TRNAU1AP: variants seen among roughly 807,000 people sequenced by gnomAD.
TRNAU1AP encodes tRNA selenocysteine 1 associated protein 1, also known as tRNA selenocysteine 1-associated protein 1.
A neutral mutation model predicts 43.3 loss-of-function variants in TRNAU1AP; 33 were observed. That is an observed-to-expected ratio of 0.76 (90% CI 0.58 to 1.02). TRNAU1AP has a LOEUF of 1.02. Ranked by LOEUF, TRNAU1AP falls within the 50% of genes least tolerant of loss-of-function variation. The pLI is 0.00. For missense variants in TRNAU1AP, 290 were observed against 362.7 expected (o/e 0.80, Z 1.63); for synonymous variants, 143 against 129.1 (o/e 1.11, Z -0.73).
chr1:28,574,997 G>A (rs1665741263), intron 8 of TRNAU1AP, among the ~76,000 whole-genome samples: 1 of 152,140 alleles, frequency 6.6e-6, no homozygotes, highest in Admixed American at 6.6e-5. Context: ...GTGATCTGCT[G>A]AGGGTCACAC....
intron 2 of TRNAU1AP, among the ~76,000 whole-genome samples, chr1:28,555,403 CTA>C (rs1665235996): frequency 1.3e-5 from 2 of 151,984 alleles, no homozygotes; most frequent in African/African-American, 4.8e-5. Flanking sequence ...TAGAGGTTCT[CTA>C]TTGCCTCCAT....
intron 8 of TRNAU1AP, 42 bp downstream of exon 8, chr1:28,571,942 G>A: frequency 6.4e-7 from 1 of 1,554,056 alleles, no homozygotes; most frequent in African/African-American, 1.4e-5. Context: ...CCATTATCAG[G>A]TGACTGCTGT....
intron 4 of TRNAU1AP, among the ~76,000 whole-genome samples, chr1:28,562,497 A>G (rs1164991532): frequency 6.6e-6 from 1 of 152,220 alleles, no homozygotes; most frequent in Admixed American, 6.5e-5. Flanking sequence ...CCACAAGAAA[A>G]GACAAAAGTA....
chr1:28,563,615 C>A (rs1202862567), intron 4 of TRNAU1AP, among the ~76,000 whole-genome samples: 1 of 151,270 alleles, frequency 6.6e-6, no homozygotes, highest in African/African-American at 2.4e-5. Context: ...ACCTGAGAAG[C>A]AGAGGTTGCA....
intron 8 of TRNAU1AP, among the ~76,000 whole-genome samples, chr1:28,573,637 G>T (rs1665711557): frequency 6.6e-6 from 1 of 152,104 alleles, no homozygotes; most frequent in Non-Finnish European, 1.5e-5. Flanking sequence ...GCCAGGCGTG[G>T]TGTTGCGCGC....
intron 5 of TRNAU1AP, chr1:28,565,486 A>C (rs1419959459): frequency 3.7e-5 from 5 of 134,822 alleles, no homozygotes; most frequent in African/African-American, 1.4e-4. Context: ...CTCTGTCTCC[A>C]TAAAAAAAAA....
Position 28,573,562 on chromosome 1 carries a change from C to A in TRNAU1AP, c.727+1662C>A, listed in dbSNP as rs376201836. 9.9e-5 allele frequency among the ~76,000 whole-genome samples: 15 copies of A among 151,894 alleles called. No individual in the cohort carries two copies. In the East Asian group the frequency reaches 1.7e-3, roughly 18 times the overall value. ...CCACGGCGGGAGGATCACCTAAGGTCGGAAGTTCTAGACCAGCCTGGCCAA... is the reference window on the plus strand; with the variant it reads ...CCACGGCGGGAGGATCACCTAAGGTAGGAAGTTCTAGACCAGCCTGGCCAA... On this transcript the variant is annotated intron_variant, in intron 8 of 8. Transcript: ENST00000373830.
At chr1:28,566,070 G>T (rs760737831) in intron 5 of TRNAU1AP, among the ~76,000 whole-genome samples, 1 of 151,888 alleles carries the variant, frequency 6.6e-6, no homozygotes. Flanking sequence ...TAATCCCAGC[G>T]CTTCGGGAGA....
At position 28,570,187 on chromosome 1, in the gene TRNAU1AP, G is replaced by T. The variant is rs377682535; in HGVS notation, c.531-989G>T. Among the ~76,000 whole-genome samples, 114 of 152,024 alleles carry T rather than the reference G, an allele frequency of 7.5e-4. 4 individuals are homozygous for T. In the South Asian group the frequency reaches 0.023, roughly 30 times the overall value. ...TTAGCTGGGCCTCCCAGGATCAAGC[G>T]ATTCTCCTTCCTTAGCCTCCCAAGT... On this transcript the variant is annotated intron_variant, in intron 6 of 8. Transcript: ENST00000373830.
At chr1:28,565,900 A>C (rs891593816) in intron 5 of TRNAU1AP, 1 of 152,218 alleles carries the variant, frequency 6.6e-6, no homozygotes, top group African/African-American at 2.4e-5. Flanking sequence ...GTGGCTTTGA[A>C]TCATGCTTCT....
chr1:28,554,705 A>G (rs1665218020), intron 2 of TRNAU1AP, among the ~76,000 whole-genome samples: 1 of 151,904 alleles, frequency 6.6e-6, no homozygotes, highest in Non-Finnish European at 1.5e-5. Context: ...TTAGCTGGGC[A>G]TGGTGGCGGG....
intron 8 of TRNAU1AP, among the ~76,000 whole-genome samples, chr1:28,575,574 T>C (rs1410137089): frequency 6.6e-6 from 1 of 151,360 alleles, no homozygotes; most frequent in Non-Finnish European, 1.5e-5. Context: ...GTGATTCTTC[T>C]GCCTCAGCCT....
chr1:28,562,841 G>A (rs1327936671), intron 4 of TRNAU1AP, among the ~76,000 whole-genome samples: 11 of 150,394 alleles, frequency 7.3e-5, no homozygotes, highest in African/African-American at 2.4e-4. Context: ...TCAGCCTCCC[G>A]AAGTGCTGGG....
At chr1:28,553,943 A>T (rs1570243630) in intron 2 of TRNAU1AP, 3 of 494,128 alleles carry the variant, frequency 6.1e-6, no homozygotes, top group Non-Finnish European at 1.1e-5. Flanking sequence ...CACACCTGTA[A>T]TCCCAGCACT....
rs754432203 is a variant in TRNAU1AP at position 28,553,116 on chromosome 1, G to A, written c.6G>A (p.Ala2=). The change falls in exon 1 of 9, where the codon GCG becomes GCA. Residue 2 remains alanine (A), a synonymous_variant. Coordinates refer to ENST00000373830, the MANE Select transcript of TRNAU1AP (RefSeq NM_017846.5). The part of the protein sequence containing the change: M[A]ASLWMGDLEP... ...CCCCACCCCGGTGCGCGGGTATGGC[G>A]GCCAGCCTGTGGATGGGCGACGTGA... The A allele has an allele frequency of 2.0e-6, 3 of 1,522,134 alleles. No individual in the cohort carries two copies. The highest frequency in any genetic ancestry group is 5.2e-5 in the East Asian group (2 of 38,784). 94.3% of individuals were successfully genotyped at this position (1,522,134 alleles called of 1,614,324 possible).
chr1:28,576,229 C>T (rs1225149146), intron 8 of TRNAU1AP, among the ~76,000 whole-genome samples: 1 of 151,130 alleles, frequency 6.6e-6, no homozygotes, highest in Non-Finnish European at 1.5e-5. Flanking sequence ...ACATGCCTCA[C>T]TGCAGCCTCG....
chr1:28,561,984 C>A (rs1046520087), intron 4 of TRNAU1AP, among the ~76,000 whole-genome samples: 26 of 146,328 alleles, frequency 1.8e-4, no homozygotes, highest in African/African-American at 6.9e-4. Flanking sequence ...AGGCAGGAGG[C>A]TCACCTGAGC....
Position 28,564,827 on chromosome 1 carries a change from G to T in TRNAU1AP, c.403G>T (p.Val135Leu), listed in dbSNP as rs764252241. The change falls in exon 5 of 9, where the codon GTG (valine) becomes TTG (leucine). Residue 135 changes from valine to leucine, a missense_variant. Val to Leu is a conservative substitution (Grantham distance 32, BLOSUM62 1). Around this residue, in one of 3 missense-constraint regions of TRNAU1AP, gnomAD observed 174 missense variants for 262.1 expected, o/e 0.66. Coordinates refer to ENST00000373830, the MANE Select transcript of TRNAU1AP (RefSeq NM_017846.5). ...GGKVVLDQTG[V>L]SKGYGFVKFT... ...CAAGGTGGTTTTGGACCAGACAGGC[G>T]TGTCTAAGTAAGGCCTTACTTGTTA... The T allele has an allele frequency of 5.6e-6, 9 of 1,613,914 alleles. No individual in the cohort carries two copies. The highest frequency in any genetic ancestry group is 7.6e-6 in the Non-Finnish European group (9 of 1,180,002).
chr1:28,570,861 C>T (rs905833335), intron 6 of TRNAU1AP, among the ~76,000 whole-genome samples: 2 of 152,126 alleles, frequency 1.3e-5, no homozygotes, highest in South Asian at 2.1e-4. Context: ...GTCAGGAGAT[C>T]GAGACCAGCC....
Sources: allele counts gnomAD v4.1 joint callset (sites outside exome capture counted in the v4.1 genomes callset), GRCh38; gene constraint gnomAD v4.1.1; regional missense constraint gnomAD v4.1.1; transcripts MANE v1.5; gene names NCBI Gene and HGNC (gene_info 2026-07-23, HGNC 2026-07-21).